Variants in TLN2 observed in about 807,000 individuals in gnomAD.
TLN2 encodes the protein talin-2.
In TLN2, 118 loss-of-function variants were observed where a neutral mutation model predicts 294.7. The observed-to-expected ratio is 0.40, with a 90% CI of 0.34 to 0.47. The LOEUF (loss-of-function observed/expected upper bound fraction) is 0.47. Among genes scored for constraint, TLN2 ranks in the 20% least tolerant of loss-of-function variants. The probability of loss-of-function intolerance (pLI) is 0.84; values close to 1 mark genes in which losing one functional copy is unlikely to be tolerated. For synonymous variants in TLN2, 1,431 were observed against 1,304.5 expected, an observed-to-expected ratio of 1.10 and a Z score of -2.09; for missense variants, 3,083 against 3,282.2, an observed-to-expected ratio of 0.94 and a Z score of 1.48.
chr15:62,542,363 G>T (rs551320066), intron 1 of TLN2, among the ~76,000 whole-genome samples: 1 of 147,358 alleles, frequency 6.8e-6, no homozygotes, highest in Non-Finnish European at 1.5e-5. Flanking sequence ...GGCTGATTTT[G>T]TATTTTTTAG....
At chr15:62,696,032 T>G (rs375041947) in intron 14 of TLN2, among the ~76,000 whole-genome samples, 1 of 152,338 alleles carries the variant, frequency 6.6e-6, no homozygotes, top group East Asian at 1.9e-4. Context: ...GACCTTCCAC[T>G]TCTTCCTCCA....
chr15:62,753,961 C>G (rs771873609), intron 36 of TLN2, 45 bp downstream of exon 36: 1 of 1,479,540 alleles, frequency 6.8e-7, no homozygotes, highest in Non-Finnish European at 9.0e-7. Flanking sequence ...TTAAGCAGCT[C>G]CTCTAGGTAA....
At chr15:62,658,697 CCTG>C (rs2053496947) in intron 9 of TLN2, among the ~76,000 whole-genome samples, 1 of 152,134 alleles carries the variant, frequency 6.6e-6, no homozygotes, top group African/African-American at 2.4e-5. Flanking sequence ...TTCCTCAGGG[CCTG>C]CTTTTACCCC....
rs895122897 is a variant in TLN2, at chr15:62,647,571, C to G, written c.136+125C>G. ...AGTGCATATGTTTCAAATGAAATAC[C>G]TTCTTAGATCAGACACTACCTGCTT... On this transcript the variant is annotated intron_variant, in intron 4 of 58. Transcript: ENST00000636159. The G allele has an allele frequency of 2.1e-5, 27 of 1,313,800 alleles. No homozygotes were observed. In the African/African-American group the frequency reaches 3.8e-4, roughly 19 times the overall value. The allele number at this position is 1,313,800 out of a possible 1,614,324, so 81.4% of individuals were successfully genotyped here.
chr15:62,748,619 A>C (rs1043757857), intron 33 of TLN2, among the ~76,000 whole-genome samples, 175 bp downstream of exon 33: 1 of 152,160 alleles, frequency 6.6e-6, no homozygotes, highest in African/African-American at 2.4e-5. Flanking sequence ...GTTCCAATCC[A>C]AGTGGAAAGA....
At chr15:62,453,341 T>A (rs1312863464) in intron 1 of TLN2, among the ~76,000 whole-genome samples, 1 of 152,068 alleles carries the variant, frequency 6.6e-6, no homozygotes, top group Non-Finnish European at 1.5e-5. Context: ...CTGTCATTTG[T>A]TCTTCAGAGA....
intron 1 of TLN2, among the ~76,000 whole-genome samples, chr15:62,542,663 G>C (rs189268057): frequency 3.8e-4 from 58 of 152,152 alleles, no homozygotes; most frequent in African/African-American, 1.4e-3. Context: ...TCCAACCATG[G>C]GGTGTGTTTC....
At chr15:62,789,330 C>T (rs1329841859) in intron 45 of TLN2, among the ~76,000 whole-genome samples, 1 of 152,192 alleles carries the variant, frequency 6.6e-6, no homozygotes, top group African/African-American at 2.4e-5. Context: ...TGTTGCCTCA[C>T]TTACTCTCAT....
intron 27 of TLN2, among the ~76,000 whole-genome samples, chr15:62,725,695 C>T (rs1207331856): frequency 3.9e-5 from 6 of 152,144 alleles, no homozygotes; most frequent in East Asian, 1.9e-4. Context: ...TGTAGTTTAT[C>T]GTGATAGTAA....
chr15:62,449,998 ACT>A (rs1461816783), intron 1 of TLN2, among the ~76,000 whole-genome samples: 2 of 152,084 alleles, frequency 1.3e-5, no homozygotes, highest in Non-Finnish European at 2.9e-5. Flanking sequence ...GAATTCTGCC[ACT>A]GTCACTCTCT....
chr15:62,512,960 T>G (rs932851268), intron 1 of TLN2, among the ~76,000 whole-genome samples: 1 of 152,208 alleles, frequency 6.6e-6, no homozygotes, highest in African/African-American at 2.4e-5. Flanking sequence ...GTCACAAAAT[T>G]GCTTCAAGCC....
At chr15:62,391,664 C>T (rs2032096427) in intron 1 of TLN2, among the ~76,000 whole-genome samples, 1 of 149,078 alleles carries the variant, frequency 6.7e-6, no homozygotes, top group Non-Finnish European at 1.5e-5. Context: ...GGCGCGGAGG[C>T]GGCCGCACAA....
chr15:62,840,362 TC>T, intron 58 of TLN2, 119 bp from the exon 59 acceptor site: 1 of 1,415,980 alleles, frequency 7.1e-7, no homozygotes, highest in Non-Finnish European at 9.6e-7. Context: ...AGAAAGCTGT[TC>T]CGGATGTGCT....
chr15:62,642,187 G>A (rs910424495), intron 3 of TLN2, among the ~76,000 whole-genome samples: 1 of 152,120 alleles, frequency 6.6e-6, no homozygotes, highest in Non-Finnish European at 1.5e-5. Context: ...CACAATGCAG[G>A]TTTTATGAAT....
rs1224309143 is a variant in TLN2, at chr15:62,835,937, A to G, written c.7238A>G (p.Asn2413Ser). Residue 2413 changes from asparagine (N) to serine (S), a missense_variant, in exon 57 of 59, where the codon AAT becomes AGT. Asn to Ser is a conservative substitution (Grantham distance 46). Coordinates refer to ENST00000636159, the MANE Select transcript of TLN2 (RefSeq NM_015059.3). ...ACCAGCAGTCTCTGTGAGGCGGCCA[A>G]TGCCTCCGTTCAGGGACACGCCAGC... is the stretch of plus-strand genomic sequence containing the variant. The part of the protein sequence containing the change: ...AATSSLCEAA[N>S]ASVQGHASEE... 2 of 1,614,158 alleles carry G rather than the reference A, an allele frequency of 1.2e-6. No homozygotes were observed. The highest frequency in any genetic ancestry group is 1.7e-6 in the Non-Finnish European group (2 of 1,180,026).
chr15:62,474,259 C>T (rs1241197290), intron 1 of TLN2, among the ~76,000 whole-genome samples: 1 of 152,152 alleles, frequency 6.6e-6, no homozygotes, highest in Non-Finnish European at 1.5e-5. Flanking sequence ...GCATAATTGT[C>T]TCTATGTTCT....
At chr15:62,800,266 C>A in intron 48 of TLN2, 102 bp from the exon 49 acceptor site, 1 of 1,514,474 alleles carries the variant, frequency 6.6e-7, no homozygotes, top group Non-Finnish European at 8.8e-7. Context: ...CTGTCTTTCT[C>A]TCCTCCCCCG....
At chr15:62,444,428 A>G (rs575546790) in intron 1 of TLN2, among the ~76,000 whole-genome samples, 9 of 152,368 alleles carry the variant, frequency 5.9e-5, no homozygotes, top group African/African-American at 2.2e-4. Context: ...GAATTCCCAA[A>G]TTTGTGAATA....
In TLN2 at chr15:62,810,029, G is replaced by C; in HGVS notation, c.6768G>C (p.Leu2256Phe). The C allele has an allele frequency of 6.2e-7, 1 of 1,613,896 alleles. No individual in the cohort carries two copies. The highest frequency in any genetic ancestry group is 8.5e-7 in the Non-Finnish European group (1 of 1,179,864). The change falls in exon 52 of 59, where the codon TTG becomes TTC. Residue 2256 changes from leucine (L) to phenylalanine (F), a missense_variant. Transcript: ENST00000636159. ...ACTTGGACCTCCTGGAGCACGTCTT[G>C]GTGGTAAGAAAGCGCATGAGTCAGG... ...LGYLDLLEHV[L>F]VILQKPTPEF...
Sources: gnomAD v4.1 joint callset for allele counts (sites outside exome capture counted in the v4.1 genomes callset) on GRCh38, gnomAD v4.1.1 for gene constraint, MANE v1.5 for transcripts, NCBI Gene and HGNC (gene_info 2026-07-23, HGNC 2026-07-21) for gene names.